The following SORCS2 variants were observed in gnomAD, a reference collection of about 807,000 sequenced individuals.
The protein encoded by SORCS2 is sortilin related VPS10 domain containing receptor 2, also known as VPS10 domain-containing receptor SorCS2.
SORCS2 carries 100 observed loss-of-function variants against 141.6 expected under a neutral mutation model. The ratio of observed to expected loss-of-function variants is 0.71; its 90% CI spans 0.60 to 0.83. The LOEUF (loss-of-function observed/expected upper bound fraction) is 0.83, where lower values mean the gene tolerates loss of function less well. Among genes scored for constraint, SORCS2 ranks in the 40% least tolerant of loss-of-function variants. The pLI, the probability that SORCS2 is intolerant of heterozygous loss-of-function variation, is 0.00. For synonymous variants in SORCS2, 789 were observed against 676.9 expected (o/e 1.17, Z -2.57); for missense variants, 1,646 against 1,560.2 (o/e 1.05, Z -0.93).
At chr4:7,558,597 C>A (rs537394289) in intron 3 of SORCS2, among the ~76,000 whole-genome samples, 12 of 152,302 alleles carry the variant, frequency 7.9e-5, no homozygotes, top group African/African-American at 2.9e-4. Flanking sequence ...GCTGCCTGGT[C>A]AGTTCATTCC....
chr4:7,352,430 C>T (rs1434164923), intron 1 of SORCS2, among the ~76,000 whole-genome samples: 3 of 152,222 alleles, frequency 2.0e-5, no homozygotes, highest in African/African-American at 7.2e-5. Context: ...CTGGGACTCA[C>T]CCCAATCTCC....
intron 2 of SORCS2, among the ~76,000 whole-genome samples, chr4:7,529,029 C>T (rs1037947963): frequency 6.6e-6 from 1 of 152,238 alleles, no homozygotes; most frequent in African/African-American, 2.4e-5. Flanking sequence ...ATACAGGACT[C>T]AGGGCCCACC....
intron 1 of SORCS2, among the ~76,000 whole-genome samples, chr4:7,203,847 A>C (rs1727601708): frequency 6.6e-6 from 1 of 151,890 alleles, no homozygotes. Context: ...CCCGCCACTC[A>C]CAGTCTACTT....
At chr4:7,238,425 C>T (rs1178509599) in intron 1 of SORCS2, among the ~76,000 whole-genome samples, 2 of 152,106 alleles carry the variant, frequency 1.3e-5, no homozygotes, top group Non-Finnish European at 2.9e-5. Flanking sequence ...TGGTAGGGCT[C>T]CTAGGTCCTT....
At chr4:7,425,791 T>C (rs1726393579) in intron 2 of SORCS2, among the ~76,000 whole-genome samples, 1 of 152,182 alleles carries the variant, frequency 6.6e-6, no homozygotes, top group Non-Finnish European at 1.5e-5. Flanking sequence ...CCCACCTCGC[T>C]GGAGAAACGA....
intron 3 of SORCS2, among the ~76,000 whole-genome samples, chr4:7,611,646 G>A (rs577267676): frequency 1.1e-4 from 16 of 152,322 alleles, no homozygotes; most frequent in South Asian, 6.2e-4. Flanking sequence ...CCACGTAGCC[G>A]CAGGTAAAAC....
intron 3 of SORCS2, among the ~76,000 whole-genome samples, chr4:7,627,524 A>T (rs886372): frequency 6.6e-6 from 1 of 152,078 alleles, no homozygotes. Flanking sequence ...TTTAGGAACC[A>T]TGAATGCTGA....
intron 3 of SORCS2, among the ~76,000 whole-genome samples, chr4:7,587,844 T>A (rs1208160522): frequency 6.6e-6 from 1 of 152,244 alleles, no homozygotes; most frequent in African/African-American, 2.4e-5. Flanking sequence ...GAGCACCCCG[T>A]TAGGCCGGCC....
chr4:7,244,404 G>T (rs1307654495), intron 1 of SORCS2, among the ~76,000 whole-genome samples: 3 of 152,250 alleles, frequency 2.0e-5, no homozygotes, highest in African/African-American at 7.2e-5. Flanking sequence ...GTGGAACGCG[G>T]CGCTGCTCCT....
At position 7,715,205 on chromosome 4, in the gene SORCS2, T is replaced by C. The variant is rs6816604; in HGVS notation, c.2146T>C (p.Ser716Pro). ...FLCDYGFERSSSSESSTNKCS... is the reference protein window; with the variant it reads ...FLCDYGFERSPSSESSTNKCS... ...CAGCGACTACGGATTTGAGCGCTCC[T>C]CCTCCTCAGAGTCCAGCACCAACAA... is the stretch of plus-strand genomic sequence containing the variant. The change falls in exon 17 of 27, where the codon TCC becomes CCC. Residue 716 changes from serine (S) to proline (P), a missense_variant. Transcript: ENST00000507866. The C allele has an allele frequency of 0.94, 1,524,186 of 1,613,790 alleles. 720,268 individuals are homozygous for C. Among genetic ancestry groups the C allele is most frequent in the East Asian group, 1 (44,877 of 44,882 alleles).
chr4:7,535,781 G>A (rs1456074110), intron 3 of SORCS2, among the ~76,000 whole-genome samples: 1 of 152,012 alleles, frequency 6.6e-6, no homozygotes, highest in African/African-American at 2.4e-5. Context: ...ACATGGCCAT[G>A]GAACAGAGGC....
At position 7,441,130 on chromosome 4, in the gene SORCS2, C is replaced by G. The variant is rs370990934; in HGVS notation, c.548+44775C>G. ...GAGGGGGACTCGGCAAGGGCGAAGG[C>G]CCCAGTGTGGGCACGAGCTGCCAAC... On this transcript the variant is annotated intron_variant, in intron 2 of 26. Transcript: ENST00000507866. Among the ~76,000 whole-genome samples, 27 of 152,278 alleles carry G rather than the reference C, an allele frequency of 1.8e-4. No individual in the cohort carries two copies. The East Asian group carries it at 4.6e-3, about 26-fold the overall frequency.
chr4:7,433,169 C>T (rs186517170), intron 2 of SORCS2: 1 of 808,910 alleles, frequency 1.2e-6, no homozygotes. Flanking sequence ...CTTTCGGGAT[C>T]AGGAATACTT....
intron 5 of SORCS2, among the ~76,000 whole-genome samples, chr4:7,654,425 G>A (rs941642878): frequency 6.6e-6 from 1 of 152,206 alleles, no homozygotes; most frequent in Non-Finnish European, 1.5e-5. Context: ...CGCATTGGGT[G>A]GTATCAGAAA....
chr4:7,310,242 C>T (rs1161413257), intron 1 of SORCS2, among the ~76,000 whole-genome samples: 1 of 152,156 alleles, frequency 6.6e-6, no homozygotes, highest in African/African-American at 2.4e-5. Flanking sequence ...CTCCACAACT[C>T]ATGGAGGTAG....
At chr4:7,307,745 G>A (rs1717927125) in intron 1 of SORCS2, among the ~76,000 whole-genome samples, 1 of 152,224 alleles carries the variant, frequency 6.6e-6, no homozygotes, top group African/African-American at 2.4e-5. Flanking sequence ...TGAGTGGTGT[G>A]TTTGTTCATG....
intron 24 of SORCS2, 111 bp downstream of exon 24, chr4:7,733,532 G>A: frequency 1.1e-6 from 1 of 883,816 alleles, no homozygotes; most frequent in Non-Finnish European, 1.7e-6. Flanking sequence ...CCCTCCTGGT[G>A]GGTGTTCGCC....
chr4:7,275,061 A>G lies in SORCS2; in HGVS notation c.480+81935A>G, dbSNP rs1383136419. Among the ~76,000 whole-genome samples the G allele has an allele frequency of 2.6e-5, 4 of 152,204 alleles. No individual in the cohort carries two copies. The South Asian group carries it at 6.2e-4, about 24-fold the overall frequency. ...TGCAAACACATTGCCTTTTCTGTTA[A>G]TGATTTTTGATGAGAATCTCTCCAA... is the stretch of plus-strand genomic sequence containing the variant. On this transcript the variant is annotated intron_variant, in intron 1 of 26. Coordinates refer to ENST00000507866, the MANE Select transcript of SORCS2 (RefSeq NM_020777.3).
chr4:7,289,597 C>G (rs1047792829), intron 1 of SORCS2, among the ~76,000 whole-genome samples: 1 of 152,200 alleles, frequency 6.6e-6, no homozygotes, highest in African/African-American at 2.4e-5. Flanking sequence ...GCCACAGAGA[C>G]CGAGCTGCAG....
Sources: allele counts gnomAD v4.1 joint callset (sites outside exome capture counted in the v4.1 genomes callset), GRCh38; gene constraint gnomAD v4.1.1; transcripts MANE v1.5; gene names NCBI Gene and HGNC (gene_info 2026-07-23, HGNC 2026-07-21).